Variants in STMN3 observed in about 807,000 individuals in gnomAD.
STMN3 encodes stathmin-3.
In STMN3, 24 loss-of-function variants were observed where a neutral mutation model predicts 23.2. The ratio of observed to expected loss-of-function variants is 1.03; its 90% CI spans 0.75 to 1.45. The LOEUF (loss-of-function observed/expected upper bound fraction) is 1.45. STMN3 is among the 40% of genes most tolerant of loss of function. The pLI is 0.00. For synonymous variants in STMN3, 117 were observed against 103.4 expected, an observed-to-expected ratio of 1.13 and a Z score of -0.80; for missense variants, 235 against 237.6, an observed-to-expected ratio of 0.99 and a Z score of 0.07.
chr20:63,652,609 G>A lies in STMN3; in HGVS notation c.19+718C>T, dbSNP rs1345845118. The A allele has an allele frequency of 2.0e-6, 2 of 985,284 alleles. No individual in the cohort carries two copies. Among genetic ancestry groups the A allele is most frequent in the African/African-American group, 1.7e-5 (1 of 57,246 alleles). The allele number at this position is 985,284 out of a possible 1,614,324, so 61.0% of individuals were successfully genotyped here. A position where few individuals can be genotyped will look rare whatever the true frequency, so the allele number is the denominator to read the frequency against. Reference sequence around the variant, plus strand: ...GTGGGTCCGCCCCGCGGGAGGTGGAGGGGCGGGAGGGGCGGAGCCCTCTGG... The same window carrying A: ...GTGGGTCCGCCCCGCGGGAGGTGGAAGGGCGGGAGGGGCGGAGCCCTCTGG... On this transcript the variant is annotated intron_variant, in intron 1 of 4. Coordinates refer to ENST00000370053, the MANE Select transcript of STMN3 (RefSeq NM_015894.4). The surrounding 1 kb of genome is among the most constrained non-coding windows in gnomAD (Gnocchi z 5.3).
chr20:63,643,767 C>A lies in STMN3; in HGVS notation c.280G>T (p.Glu94Ter), dbSNP rs1405073457. The A allele has an allele frequency of 1.4e-5, 21 of 1,547,866 alleles. No individual in the cohort carries two copies. Among genetic ancestry groups the A allele is most frequent in the Non-Finnish European group, 1.8e-5 (21 of 1,156,750 alleles). The change falls in exon 3 of 5, where the codon GAG (glutamate) becomes TAG (stop). Residue 94 changes from glutamate to a stop codon, truncating the protein, a stop_gained. Coordinates refer to ENST00000370053, the MANE Select transcript of STMN3 (RefSeq NM_015894.4). LOFTEE classifies it high-confidence loss of function. Reference protein sequence around the residue: ...ELQKRLEAAEERRKTQEAQVL... With the variant: ...ELQKRLEAAE ...GGAGGACTCCTTGCCTTCCTCCGCT[C>A]CTCGGCTGCCTCCAGCCGCTTTTGC...
rs568352689 is a variant in STMN3 at position 63,644,027 on chromosome 20, G to T, written c.116-96C>A. 1.4e-4 allele frequency: 209 copies of T among 1,507,084 alleles called. 1 individual carries two copies. In the South Asian group the frequency reaches 2.4e-3, roughly 17 times the overall value. 93.4% of individuals were successfully genotyped at this position (1,507,084 alleles called of 1,614,324 possible). On this transcript the variant is annotated intron_variant, in intron 2 of 4. Coordinates refer to ENST00000370053, the MANE Select transcript of STMN3 (RefSeq NM_015894.4). The stretch of plus-strand genomic sequence containing the variant: ...CCAGCACACATCCAACCCCAGGGCT[G>T]GGCGAGAGGGGGTGGCTGCTCCCGC...
At chr20:63,641,692 C>T (rs1022427912) in intron 4 of STMN3, among the ~76,000 whole-genome samples, 5 of 152,182 alleles carry the variant, frequency 3.3e-5, no homozygotes, top group African/African-American at 1.2e-4. Flanking sequence ...ATTACTGCGG[C>T]TAGTTACTGT....
rs1288050001 is a variant in STMN3 at position 63,647,991 on chromosome 20, T to TATATATATATACACAC, written c.20-3683_20-3682insGTGTGTATATATATAT. Among the ~76,000 whole-genome samples, 66 of 75,886 alleles carry TATATATATATACACAC rather than the reference T, an allele frequency of 8.7e-4. 1 individual carries two copies. Among genetic ancestry groups the TATATATATATACACAC allele is most frequent in the African/African-American group, 1.8e-3 (37 of 20,630 alleles). 49.8% of individuals were successfully genotyped at this position (75,886 alleles called of 152,430 possible). ...ATATATATATATATACATATATATA[T>TATATATATATACACAC]ACAGAGAGAGAGAGAGTAGTGATAG... is the stretch of plus-strand genomic sequence containing the variant. On this transcript the variant is annotated intron_variant, in intron 1 of 4. Transcript: ENST00000370053.
rs1346572075 is a variant in STMN3 at position 63,647,709 on chromosome 20, C to T, written c.20-3400G>A. Among the ~76,000 whole-genome samples, 79 of 120,572 alleles carry T rather than the reference C, an allele frequency of 6.6e-4. 1 individual carries two copies. Among genetic ancestry groups the T allele is most frequent in the South Asian group, 2.1e-3 (9 of 4,286 alleles). 79.1% of individuals were successfully genotyped at this position (120,572 alleles called of 152,430 possible). ...CACGTGTATATATATAATATATATACACGTGTATATATATTATATACATAT... is the reference window on the plus strand; with the variant it reads ...CACGTGTATATATATAATATATATATACGTGTATATATATTATATACATAT... On this transcript the variant is annotated intron_variant, in intron 1 of 4. Coordinates refer to ENST00000370053, the MANE Select transcript of STMN3 (RefSeq NM_015894.4).
Position 63,652,411 on chromosome 20 carries a change from C to T in STMN3, c.19+916G>A. The T allele has an allele frequency of 3.8e-6, 1 of 260,626 alleles. No individual in the cohort carries two copies. Among genetic ancestry groups the T allele is most frequent in the Non-Finnish European group, 6.0e-6 (1 of 167,070 alleles). 16.1% of individuals were successfully genotyped at this position (260,626 alleles called of 1,614,324 possible). Reference sequence around the variant, plus strand: ...AAACGAAGCGGGTTCTGCGGCCTCGCGGCGGAGCAGAGCGTTTCGGGAAGG... The same window carrying T: ...AAACGAAGCGGGTTCTGCGGCCTCGTGGCGGAGCAGAGCGTTTCGGGAAGG... On this transcript the variant is annotated intron_variant, in intron 1 of 4. Transcript: ENST00000370053. This position sits in a 1 kb window ranked among gnomAD's most constrained non-coding sequence, Gnocchi z 5.3.
Position 63,652,550 on chromosome 20 carries a change from C to G in STMN3, c.19+777G>C, listed in dbSNP as rs926810618. ...CGCCTGAGCTCCGCGCGGGACGGGCCGGGAGGCCGGGGTGGGCGCTACCTT... is the reference window on the plus strand; with the variant it reads ...CGCCTGAGCTCCGCGCGGGACGGGCGGGGAGGCCGGGGTGGGCGCTACCTT... On this transcript the variant is annotated intron_variant, in intron 1 of 4. Coordinates refer to ENST00000370053, the MANE Select transcript of STMN3 (RefSeq NM_015894.4). The surrounding 1 kb of genome is among the most constrained non-coding windows in gnomAD (Gnocchi z 5.3). 1 of 983,964 alleles carries G rather than the reference C, an allele frequency of 1.0e-6. No homozygotes were observed. Among genetic ancestry groups the G allele is most frequent in the Admixed American group, 6.1e-5 (1 of 16,268 alleles). 61.0% of individuals were successfully genotyped at this position (983,964 alleles called of 1,614,324 possible).
intron 1 of STMN3, among the ~76,000 whole-genome samples, chr20:63,646,607 C>T (rs2089811416): frequency 6.6e-6 from 1 of 151,924 alleles, no homozygotes; most frequent in Non-Finnish European, 1.5e-5. Flanking sequence ...CCCGCCTCGA[C>T]CTCCCAAAGT....
At position 63,651,640 on chromosome 20, in the gene STMN3, G is replaced by C. The variant is rs1057364214; in HGVS notation, c.19+1687C>G. On this transcript the variant is annotated intron_variant, in intron 1 of 4. Coordinates refer to ENST00000370053, the MANE Select transcript of STMN3 (RefSeq NM_015894.4). ...ACGTGCGGTGAGCACTCATCTCTTA[G>C]CAGGCAAGCGGCCAAGCACCTTTCC... Among the ~76,000 whole-genome samples, 27 of 152,220 alleles carry C rather than the reference G, an allele frequency of 1.8e-4. 1 individual carries two copies. Among genetic ancestry groups the C allele is most frequent in the South Asian group, 2.1e-4 (1 of 4,830 alleles).
intron 3 of STMN3, among the ~76,000 whole-genome samples, chr20:63,643,411 A>G (rs915797106): frequency 6.6e-6 from 1 of 152,126 alleles, no homozygotes; most frequent in Admixed American, 6.5e-5. Context: ...ACTCCCTAGT[A>G]GGTGGGATTA....
At position 63,647,028 on chromosome 20, in the gene STMN3, C is replaced by G. The variant is rs527921522; in HGVS notation, c.20-2719G>C. ...CAGCTTAAAAAAAAGAAAAAAATAG[C>G]TGGGCGTGGTGGCTCATGCCTGTAA... On this transcript the variant is annotated intron_variant, in intron 1 of 4. Transcript: ENST00000370053. Among the ~76,000 whole-genome samples, 130 of 152,032 alleles carry G rather than the reference C, an allele frequency of 8.6e-4. 1 individual carries two copies. The highest frequency in any genetic ancestry group is 3.1e-3 in the African/African-American group (128 of 41,426).
At chr20:63,641,725 C>A (rs1284679076) in intron 4 of STMN3, among the ~76,000 whole-genome samples, 1 of 152,156 alleles carries the variant, frequency 6.6e-6, no homozygotes, top group Non-Finnish European at 1.5e-5. Flanking sequence ...AGACTCTGGA[C>A]CTGCCTCGTG....
Position 63,653,272 on chromosome 20 carries a change from C to T in STMN3, c.19+55G>A, listed in dbSNP as rs150367473. The stretch of plus-strand genomic sequence containing the variant: ...GGCCGCTGCCCCAGGCGAGGCCAGA[C>T]GAGGCCTCTGCTCAGATCCCGCCGC... On this transcript the variant is annotated intron_variant, in intron 1 of 4. Transcript: ENST00000370053. 2.4e-3 allele frequency: 3,658 copies of T among 1,533,290 alleles called. 43 individuals carry two copies. In the African/African-American group the frequency reaches 0.035, roughly 15 times the overall value. The allele number at this position is 1,533,290 out of a possible 1,614,324, so 95.0% of individuals were successfully genotyped here.
intron 1 of STMN3, among the ~76,000 whole-genome samples, chr20:63,649,998 C>A (rs1481290197): frequency 6.6e-6 from 1 of 151,512 alleles, no homozygotes; most frequent in Non-Finnish European, 1.5e-5. Context: ...AGCTAATTTT[C>A]TGTATTTTTA....
At chr20:63,647,305 A>AG (rs2089816569) in intron 1 of STMN3, among the ~76,000 whole-genome samples, 1 of 145,620 alleles carries the variant, frequency 6.9e-6, no homozygotes. Context: ...CCCGTCTCAA[A>AG]AAAAAAAAAA....
intron 1 of STMN3, 66 bp downstream of exon 1, chr20:63,653,261 G>GCGAGGCCAGA: frequency 6.6e-7 from 1 of 1,521,484 alleles, no homozygotes; most frequent in Non-Finnish European, 8.9e-7. Context: ...GCTGCCCCAG[G>GCGAGGCCAGA]CGAGGCCAGA....
At chr20:63,649,857 C>T (rs1265094920) in intron 1 of STMN3, among the ~76,000 whole-genome samples, 1 of 144,300 alleles carries the variant, frequency 6.9e-6, no homozygotes, top group East Asian at 2.0e-4. Context: ...GACGGGGTCT[C>T]ACTCTGTCAC....
chr20:63,646,136 T>C (rs2089807036), intron 1 of STMN3, among the ~76,000 whole-genome samples: 1 of 151,994 alleles, frequency 6.6e-6, no homozygotes, highest in African/African-American at 2.4e-5. Flanking sequence ...GACCTACACT[T>C]TTCTGGACAG....
At chr20:63,641,713 C>T (rs2089763796) in intron 4 of STMN3, among the ~76,000 whole-genome samples, 1 of 152,180 alleles carries the variant, frequency 6.6e-6, no homozygotes, top group African/African-American at 2.4e-5. Context: ...CCCGCCAGGA[C>T]CAGACTCTGG....
Sources: gnomAD v4.1 joint callset for allele counts (sites outside exome capture counted in the v4.1 genomes callset) on GRCh38, gnomAD v4.1.1 for gene constraint, Gnocchi (gnomAD v3.1) non-coding constraint, MANE v1.5 for transcripts, NCBI Gene and HGNC (gene_info 2026-07-23, HGNC 2026-07-21) for gene names.